Variants in ZNF334 observed in about 807,000 individuals in gnomAD.
ZNF334 encodes the protein zinc finger protein 334.
ZNF334 carries 14 observed loss-of-function variants against 12.4 expected under a neutral mutation model. The observed-to-expected ratio is 1.13, with a 90% CI of 0.74 to 1.76. The LOEUF is 1.76. Ranked by LOEUF, ZNF334 falls within the 40% of genes most tolerant of loss-of-function variation. ZNF334 has a pLI of 0.00. For missense variants in ZNF334, 797 were observed against 804.5 expected (o/e 0.99, Z 0.11); for synonymous variants, 273 against 269.6 (o/e 1.01, Z -0.12).
intron 2 of ZNF334, among the ~76,000 whole-genome samples, chr20:46,510,614 T>C (rs2061610455): frequency 6.6e-6 from 1 of 151,542 alleles, no homozygotes; most frequent in African/African-American, 2.4e-5. Context: ...TAGTCCCAGC[T>C]ACTCGGGAGG....
chr20:46,488,242 T>A, the ZNF334 span, among the ~76,000 whole-genome samples: 8 of 147,616 alleles, frequency 5.4e-5, no homozygotes, highest in East Asian at 1.6e-3. Flanking sequence ...TTGGATTGAT[T>A]TTTTTTTTTT....
the ZNF334 span, among the ~76,000 whole-genome samples, chr20:46,480,143 A>G: frequency 6.6e-6 from 1 of 152,142 alleles, no homozygotes; most frequent in Non-Finnish European, 1.5e-5. Flanking sequence ...ATGGTCACTC[A>G]TATTGGCTTA....
the ZNF334 span, chr20:46,492,741 G>C: frequency 6.6e-6 from 1 of 152,198 alleles, no homozygotes; most frequent in African/African-American, 2.4e-5. Context: ...ATTCTTCGTG[G>C]ATTCATGCTG....
At chr20:46,490,058 T>A in the ZNF334 span, among the ~76,000 whole-genome samples, 66 of 152,292 alleles carry the variant, frequency 4.3e-4, 1 homozygote, top group African/African-American at 1.4e-3. Flanking sequence ...GACACCACAG[T>A]TTTATATAAA....
chr20:46,472,845 C>T, the ZNF334 span, among the ~76,000 whole-genome samples: 6 of 152,136 alleles, frequency 3.9e-5, no homozygotes, highest in East Asian at 3.8e-4. Context: ...TGAGAGACGA[C>T]GGTGGCTTGG....
At chr20:46,467,736 C>G in the ZNF334 span, among the ~76,000 whole-genome samples, 1 of 152,114 alleles carries the variant, frequency 6.6e-6, no homozygotes, top group Non-Finnish European at 1.5e-5. Context: ...TTTTAAAACC[C>G]TCTAAAAGCT....
chr20:46,475,770 AC>A, the ZNF334 span, among the ~76,000 whole-genome samples: 5 of 152,282 alleles, frequency 3.3e-5, no homozygotes, highest in African/African-American at 7.2e-5. Flanking sequence ...AAACAGTAAC[AC>A]CACTACATGC....
chr20:46,509,933 T>C lies in ZNF334; in HGVS notation c.21+2149A>G, dbSNP rs749098814. ...CAGTTTGAATTGCTTGTGTAATATC[T>C]TTCTCTTTCACTAGCACATGAGCTC... On this transcript the variant is annotated intron_variant, in intron 2 of 4. Coordinates refer to ENST00000692313, the MANE Select transcript of ZNF334 (RefSeq NM_001353824.2). Among the ~76,000 whole-genome samples, 149 of 152,244 alleles carry C rather than the reference T, an allele frequency of 9.8e-4. 2 individuals are homozygous for C. The highest frequency in any genetic ancestry group is 1.5e-3 in the Non-Finnish European group (100 of 68,042).
the ZNF334 span, chr20:46,485,563 C>T: frequency 6.6e-6 from 1 of 151,662 alleles, no homozygotes; most frequent in African/African-American, 2.4e-5. Context: ...CCTTCATTAA[C>T]AGAAGGTAGA....
chr20:46,505,285 G>A (rs1230420363), intron 2 of ZNF334: 2 of 152,218 alleles, frequency 1.3e-5, no homozygotes, highest in African/African-American at 4.8e-5. Context: ...AGAGGTCAGA[G>A]AATAGAGGAA....
At position 46,504,271 on chromosome 20, in the gene ZNF334, A is replaced by ATGG. The variant is rs1232738350; in HGVS notation, c.183_184insCCA (p.Lys61_Leu62insPro). On this transcript the variant is annotated inframe_insertion, in exon 4 of 5. Transcript: ENST00000692313. ...ATCCATGGCTCTTCTCCTTGCTCCA[A>ATGG]TTTGAAAATCACATCTGGTTTGCTA... 2 of 1,613,852 alleles carry ATGG rather than the reference A, an allele frequency of 1.2e-6. No homozygotes were observed. Among genetic ancestry groups the ATGG allele is most frequent in the African/African-American group, 2.7e-5 (2 of 75,002 alleles).
At chr20:46,467,543 T>C in the ZNF334 span, among the ~76,000 whole-genome samples, 1 of 152,246 alleles carries the variant, frequency 6.6e-6, no homozygotes, top group South Asian at 2.1e-4. Flanking sequence ...TAGATTTACA[T>C]CCTTTGTGGA....
chr20:46,466,004 G>A, the ZNF334 span, among the ~76,000 whole-genome samples: 1 of 151,958 alleles, frequency 6.6e-6, no homozygotes, highest in South Asian at 2.1e-4. Flanking sequence ...GGGAAGAGGG[G>A]GAATTCATGT....
the ZNF334 span, among the ~76,000 whole-genome samples, chr20:46,488,239 G>C: frequency 6.7e-6 from 1 of 148,350 alleles, no homozygotes; most frequent in Non-Finnish European, 1.5e-5. Flanking sequence ...ATTTTGGATT[G>C]ATTTTTTTTT....
chr20:46,489,649 C>CA, the ZNF334 span, among the ~76,000 whole-genome samples: 234 of 90,648 alleles, frequency 2.6e-3, 1 homozygote, highest in South Asian at 8.9e-3. Context: ...CAGACTCTCT[C>CA]AAAAAAAAAA....
At chr20:46,486,595 T>G in the ZNF334 span, among the ~76,000 whole-genome samples, 1 of 152,142 alleles carries the variant, frequency 6.6e-6, no homozygotes, top group African/African-American at 2.4e-5. Flanking sequence ...TTAACATGCA[T>G]CCATCACACA....
At position 46,502,205 on chromosome 20, in the gene ZNF334, T is replaced by C; in HGVS notation, c.1134A>G (p.Glu378=). 1 of 1,614,044 alleles carries C rather than the reference T, an allele frequency of 6.2e-7. No homozygotes were observed. Among genetic ancestry groups the C allele is most frequent in the South Asian group, 1.1e-5 (1 of 91,076 alleles). The part of the protein sequence containing the change: ...QRTHRGEKPN[E]CKECGKTFFC... ...AGAAGGTTTTCCCACATTCCTTACA[T>C]TCATTTGGCTTCTCTCCTCTGTGAG... Residue 378 remains glutamate (E), a synonymous_variant, in exon 5 of 5, where the codon GAA becomes GAG. Coordinates refer to ENST00000692313, the MANE Select transcript of ZNF334 (RefSeq NM_001353824.2).
intron 2 of ZNF334, 169 bp from the exon 3 acceptor site, chr20:46,504,909 A>C: frequency 1.9e-6 from 1 of 533,264 alleles, no homozygotes; most frequent in Non-Finnish European, 3.2e-6. Context: ...TTTTAAAATG[A>C]ATTTTAAAAA....
chr20:46,502,959 A>T lies in ZNF334; in HGVS notation c.380T>A (p.Val127Asp), dbSNP rs142272747. The T allele has an allele frequency of 6.2e-7, 1 of 1,614,034 alleles. No individual in the cohort carries two copies. Among genetic ancestry groups the T allele is most frequent in the Non-Finnish European group, 8.5e-7 (1 of 1,179,972 alleles). The change falls in exon 5 of 5, where the codon GTT becomes GAT. Residue 127 changes from valine (V) to aspartate (D), a missense_variant. Coordinates refer to ENST00000692313, the MANE Select transcript of ZNF334 (RefSeq NM_001353824.2). ...TTTATAGGGCATTTTTCTTGAGGGA[A>T]CACTATTCATGCCCAGATTAAGTGT... Reference protein sequence around the residue: ...GKTLNLGMNSVPSRKMPYKCN... With the variant: ...GKTLNLGMNSDPSRKMPYKCN...
Sources: gnomAD v4.1 joint callset for allele counts (sites outside exome capture counted in the v4.1 genomes callset) on GRCh38, gnomAD v4.1.1 for gene constraint, MANE v1.5 for transcripts, NCBI Gene and HGNC (gene_info 2026-07-23, HGNC 2026-07-21) for gene names.